The following LRRFIP1 variants were observed in gnomAD, a reference collection of about 807,000 sequenced individuals.
The protein encoded by LRRFIP1 is leucine-rich repeat flightless-interacting protein 1.
A neutral mutation model predicts 104.4 loss-of-function variants in LRRFIP1; 62 were observed. The ratio of observed to expected loss-of-function variants is 0.59; its 90% CI spans 0.48 to 0.73. The LOEUF is 0.73. LRRFIP1 is among the 30% of genes least tolerant of loss of function. The pLI, the probability that LRRFIP1 is intolerant of heterozygous loss-of-function variation, is 0.00. For synonymous variants in LRRFIP1, 300 were observed against 299.0 expected, an observed-to-expected ratio of 1.00 and a Z score of -0.03; for missense variants, 796 against 824.5, an observed-to-expected ratio of 0.97 and a Z score of 0.42.
intron 8 of LRRFIP1, among the ~76,000 whole-genome samples, chr2:237,731,978 T>G (rs1559710321): frequency 6.6e-6 from 1 of 152,228 alleles, no homozygotes. Context: ...TTTAATTTTA[T>G]TTAAATATAA....
At chr2:237,719,098 T>C (rs562524216) in intron 4 of LRRFIP1, among the ~76,000 whole-genome samples, 1 of 152,222 alleles carries the variant, frequency 6.6e-6, no homozygotes, top group Non-Finnish European at 1.5e-5. Context: ...GTGTGTGTCT[T>C]AGAATCCACA....
intron 1 of LRRFIP1, among the ~76,000 whole-genome samples, chr2:237,704,854 A>G (rs928389606): frequency 5.9e-5 from 9 of 152,174 alleles, no homozygotes; most frequent in African/African-American, 1.9e-4. Context: ...TGATGCCCTA[A>G]CATGATTCAT....
rs1373620717 is a variant in LRRFIP1 at position 237,708,624 on chromosome 2, G to A, written c.177G>A (p.Gln59=). 1.3e-6 allele frequency: 2 copies of A among 1,597,598 alleles called. No individual in the cohort carries two copies. Among genetic ancestry groups the A allele is most frequent in the East Asian group, 2.3e-5 (1 of 44,206 alleles). The part of the protein sequence containing the change: ...EIRMKELERQ[Q]KEIYQVQKKY... Reference sequence around the variant, plus strand: ...GCATGAAGGAGCTGGAGCGGCAGCAGAAGGAGGTAACGCTTGGGGCTCCTT... The same window carrying A: ...GCATGAAGGAGCTGGAGCGGCAGCAAAAGGAGGTAACGCTTGGGGCTCCTT... Residue 59 remains glutamine (Q), a synonymous_variant, in exon 2 of 24, where the codon CAG becomes CAA. Coordinates refer to ENST00000308482, the MANE Select transcript of LRRFIP1 (RefSeq NM_001137550.2).
Position 237,627,751 on chromosome 2 carries a change from C to G in LRRFIP1, c.96+11C>G. ...CAGATCGCGCGGGAGGTGAGCGCTC[C>G]GGGAGGGCAGCCGGGGGGCGCCGGG... On this transcript the variant is annotated intron_variant, in intron 1 of 23. Coordinates refer to ENST00000308482, the MANE Select transcript of LRRFIP1 (RefSeq NM_001137550.2). 1 of 1,238,846 alleles carries G rather than the reference C, an allele frequency of 8.1e-7. No individual in the cohort carries two copies. The highest frequency in any genetic ancestry group is 1.0e-6 in the Non-Finnish European group (1 of 984,716). 76.7% of individuals were successfully genotyped at this position (1,238,846 alleles called of 1,614,324 possible). A position where few individuals can be genotyped will look rare whatever the true frequency, so the allele number is the denominator to read the frequency against.
rs1323820359 is a variant in LRRFIP1, at chr2:237,703,479, G to A, written c.97-5065G>A. 2.6e-5 allele frequency among the ~76,000 whole-genome samples: 4 copies of A among 152,120 alleles called. No individual in the cohort carries two copies. The highest frequency in any genetic ancestry group is 2.0e-4 in the Admixed American group (3 of 15,276). ...CAGTGGTTCTGAATTCTTTCAAGAC[G>A]AGGTTCCAGATACGGAGGCTGAGGG... On this transcript the variant is annotated intron_variant, in intron 1 of 23. Transcript: ENST00000308482. The surrounding 1 kb of genome is among the most constrained non-coding windows in gnomAD (Gnocchi z 4.3).
At chr2:237,685,817 T>C (rs7591492) in intron 1 of LRRFIP1, among the ~76,000 whole-genome samples, 105,893 of 152,084 alleles carry the variant, frequency 0.7, 37,839 homozygotes, top group Middle Eastern at 0.84. Context: ...ATCTCCCCCA[T>C]GCAAAGCCTT....
intron 4 of LRRFIP1, among the ~76,000 whole-genome samples, chr2:237,719,104 C>CT (rs1267725135): frequency 6.6e-6 from 1 of 152,108 alleles, no homozygotes; most frequent in Admixed American, 6.6e-5. Context: ...GTCTTAGAAT[C>CT]CACAATACAT....
intron 1 of LRRFIP1, among the ~76,000 whole-genome samples, chr2:237,667,789 A>G (rs1379329047): frequency 1.3e-5 from 2 of 151,900 alleles, no homozygotes; most frequent in Non-Finnish European, 2.9e-5. Context: ...GTGGAGTGGC[A>G]GTTGTGTTCC....
At position 237,753,463 on chromosome 2, in the gene LRRFIP1, A is replaced by G. The variant is rs186481410; in HGVS notation, c.1022A>G (p.Tyr341Cys). 3.1e-6 allele frequency: 5 copies of G among 1,588,674 alleles called. No individual in the cohort carries two copies. In the African/African-American group the frequency reaches 6.8e-5, roughly 22 times the overall value. The change falls in exon 15 of 24, where the codon TAC becomes TGC. Residue 341 changes from tyrosine (Y) to cysteine (C), a missense_variant. Coordinates refer to ENST00000308482, the MANE Select transcript of LRRFIP1 (RefSeq NM_001137550.2). The part of the protein sequence containing the change: ...EEQLAESRRQ[Y>C]EEKNKEFERE... ...CAGCTGGCTGAATCTAGGCGGCAGT[A>G]CGAAGAGAAAAACAAAGTAAGCATT...
intron 11 of LRRFIP1, among the ~76,000 whole-genome samples, chr2:237,747,252 G>A (rs2057995141): frequency 6.6e-6 from 1 of 152,230 alleles, no homozygotes; most frequent in Non-Finnish European, 1.5e-5. Flanking sequence ...ATAACTCCTG[G>A]TTATGTTGTT....
At chr2:237,777,931 C>T (rs1417702294) in intron 23 of LRRFIP1, among the ~76,000 whole-genome samples, 1 of 152,106 alleles carries the variant, frequency 6.6e-6, no homozygotes, top group African/African-American at 2.4e-5. Flanking sequence ...CAAAGATTTT[C>T]CAGTTCACCA....
In LRRFIP1 at chr2:237,733,792, G is replaced by T. The variant is rs373151412; in HGVS notation, c.463G>T (p.Ala155Ser). Residue 155 changes from alanine to serine, a missense_variant, in exon 9 of 24, where the codon GCT becomes TCT. By Grantham distance (99) the Ala-to-Ser change is moderately conservative (BLOSUM62 1). Transcript: ENST00000308482. ...RSGRPSCLYS[A>S]ARPSGSYRAS... ...CCTCCAGCCCTCCTGTCTGTACAGC[G>T]CTGCCCGGCCTTCGGGGAGTTACCG... 1.9e-6 allele frequency: 3 copies of T among 1,613,956 alleles called. No homozygotes were observed. The highest frequency in any genetic ancestry group is 2.5e-6 in the Non-Finnish European group (3 of 1,179,870).
chr2:237,762,526 C>T (rs919560533), intron 19 of LRRFIP1: 15 of 1,165,582 alleles, frequency 1.3e-5, no homozygotes, highest in South Asian at 1.6e-5. Context: ...GGATTTGGAA[C>T]GTGTGTTTAC....
chr2:237,682,894 A>G (rs112582391), intron 1 of LRRFIP1, among the ~76,000 whole-genome samples: 1,810 of 152,360 alleles, frequency 0.012, 34 homozygotes, highest in African/African-American at 0.04. Flanking sequence ...ATCCAGCTGT[A>G]TAAGCTGAGA....
intron 13 of LRRFIP1, among the ~76,000 whole-genome samples, chr2:237,750,547 G>A (rs1006686129): frequency 1.4e-4 from 22 of 151,940 alleles, no homozygotes; most frequent in African/African-American, 5.3e-4. Flanking sequence ...ATGTTGGCCA[G>A]GCTGGTCTTG....
At chr2:237,728,648 G>A (rs2094873167) in intron 8 of LRRFIP1, among the ~76,000 whole-genome samples, 1 of 152,188 alleles carries the variant, frequency 6.6e-6, no homozygotes, top group African/African-American at 2.4e-5. Flanking sequence ...CATTCTGTGT[G>A]AAATGGTCTA....
chr2:237,646,227 A>G (rs115416252), intron 1 of LRRFIP1, among the ~76,000 whole-genome samples: 2 of 151,676 alleles, frequency 1.3e-5, no homozygotes, highest in East Asian at 1.9e-4. Context: ...TTTTTAAAAA[A>G]AAATATATAT....
chr2:237,642,160 A>G (rs183426652), intron 1 of LRRFIP1, among the ~76,000 whole-genome samples: 4 of 152,358 alleles, frequency 2.6e-5, no homozygotes, highest in Admixed American at 2.6e-4. Context: ...TGAGGAGTCT[A>G]TGAGGCAATG....
intron 1 of LRRFIP1, among the ~76,000 whole-genome samples, chr2:237,650,489 G>A (rs902893061): frequency 6.7e-6 from 1 of 148,736 alleles, no homozygotes; most frequent in African/African-American, 2.4e-5. Flanking sequence ...CGCACTGTGT[G>A]GAGGACAGCC....
Sources: gnomAD v4.1 joint callset for allele counts (sites outside exome capture counted in the v4.1 genomes callset) on GRCh38, gnomAD v4.1.1 for gene constraint, Gnocchi (gnomAD v3.1) non-coding constraint, MANE v1.5 for transcripts, NCBI Gene and HGNC (gene_info 2026-07-23, HGNC 2026-07-21) for gene names.